Variants in RPS6KA5 observed in about 807,000 individuals in gnomAD.
RPS6KA5 encodes the protein ribosomal protein S6 kinase A5.
A neutral mutation model predicts 85.5 loss-of-function variants in RPS6KA5; 27 were observed. The observed-to-expected ratio is 0.32, with a 90% confidence interval of 0.23 to 0.44. RPS6KA5 has a LOEUF of 0.44. Ranked by LOEUF, RPS6KA5 falls within the 20% of genes least tolerant of loss-of-function variation. RPS6KA5 has a pLI of 1.00. For missense variants in RPS6KA5, 811 were observed against 980.9 expected (o/e 0.83, Z 2.31); for synonymous variants, 334 against 348.2 (o/e 0.96, Z 0.46).
intron 3 of RPS6KA5, among the ~76,000 whole-genome samples, chr14:90,974,688 G>C (rs2039482518): frequency 6.6e-6 from 1 of 152,174 alleles, no homozygotes; most frequent in Admixed American, 6.6e-5. Context: ...AAAAGAGGTG[G>C]CCCAGCTAAC....
At chr14:91,015,308 C>A (rs915839207) in intron 1 of RPS6KA5, among the ~76,000 whole-genome samples, 3 of 152,052 alleles carry the variant, frequency 2.0e-5, no homozygotes, top group African/African-American at 7.2e-5. Context: ...TTAAGGTATA[C>A]CTTCATTTAC....
intron 5 of RPS6KA5, among the ~76,000 whole-genome samples, chr14:90,941,595 C>T (rs1224279003): frequency 6.6e-6 from 1 of 152,200 alleles, no homozygotes; most frequent in South Asian, 2.1e-4. Flanking sequence ...TGAACAGGGG[C>T]AGAGATAGGA....
rs2032585770 is a variant in RPS6KA5 at position 90,862,131 on chromosome 14, C to CA, written c.*9942dup. 6.6e-6 allele frequency: 1 copy of CA among 151,944 alleles called. No homozygotes were observed. The highest frequency in any genetic ancestry group is 1.5e-5 in the Non-Finnish European group (1 of 67,986). The allele number at this position is 151,944 out of a possible 1,614,324, so 9.4% of individuals were successfully genotyped here. ...ATACAGGAACCAAGAGGATATAGGA[C>CA]AAAAATGTAAAAGAAATTGTAAGAT... On this transcript the variant is annotated 3_prime_UTR_variant, in exon 17 of 17. Transcript: ENST00000614987.
At chr14:91,052,542 T>C (rs1003083536) in intron 1 of RPS6KA5, 5 of 198,554 alleles carry the variant, frequency 2.5e-5, no homozygotes, top group South Asian at 6.3e-5. Context: ...ATAAGATCTT[T>C]AGGCAAGCGC....
chr14:91,018,498 A>G (rs2041601217), intron 1 of RPS6KA5, among the ~76,000 whole-genome samples: 1 of 152,248 alleles, frequency 6.6e-6, no homozygotes, highest in Non-Finnish European at 1.5e-5. Context: ...ATCGGCTGCC[A>G]GCATGGCTAG....
chr14:90,960,164 A>T (rs1049836831), intron 3 of RPS6KA5, among the ~76,000 whole-genome samples: 2 of 152,008 alleles, frequency 1.3e-5, no homozygotes. Flanking sequence ...GGAGCAAGGG[A>T]TTTTCATTTC....
At chr14:90,954,427 T>A (rs2038393691) in intron 3 of RPS6KA5, among the ~76,000 whole-genome samples, 1 of 152,214 alleles carries the variant, frequency 6.6e-6, no homozygotes, top group African/African-American at 2.4e-5. Context: ...CATTTTGTTT[T>A]GTTTGAGAGA....
intron 9 of RPS6KA5, among the ~76,000 whole-genome samples, chr14:90,902,407 C>G (rs2035220650): frequency 6.6e-6 from 1 of 151,636 alleles, no homozygotes; most frequent in African/African-American, 2.4e-5. Context: ...ATCACTTGAG[C>G]CCAGGAGTCT....
chr14:90,966,781 T>C (rs1324160581), intron 3 of RPS6KA5, among the ~76,000 whole-genome samples: 1 of 152,168 alleles, frequency 6.6e-6, no homozygotes, highest in Non-Finnish European at 1.5e-5. Flanking sequence ...AGTAACTAAC[T>C]GCCGTAGCCA....
intron 14 of RPS6KA5, among the ~76,000 whole-genome samples, chr14:90,880,131 A>G (rs1404250113): frequency 6.6e-6 from 1 of 152,186 alleles, no homozygotes; most frequent in Non-Finnish European, 1.5e-5. Context: ...GTTAAAATAC[A>G]TTTAACAAAA....
intron 4 of RPS6KA5, among the ~76,000 whole-genome samples, chr14:90,943,760 T>G (rs2037719469): frequency 6.6e-6 from 1 of 152,234 alleles, no homozygotes. Context: ...AATAGGAAAT[T>G]TATAAAGAAT....
intron 5 of RPS6KA5, among the ~76,000 whole-genome samples, chr14:90,940,115 T>C (rs761085980): frequency 1.5e-4 from 23 of 152,232 alleles, no homozygotes; most frequent in Admixed American, 7.8e-4. Context: ...GAGTTAAACC[T>C]GAAGCCAAGC....
intron 15 of RPS6KA5, 136 bp from the exon 16 acceptor site, chr14:90,873,931 A>G (rs2033287846): frequency 1.6e-6 from 1 of 634,228 alleles, no homozygotes; most frequent in South Asian, 3.0e-5. Flanking sequence ...AAAGATAATT[A>G]GATTTTCCTA....
At chr14:90,875,822 T>A (rs562829536) in intron 14 of RPS6KA5, among the ~76,000 whole-genome samples, 79 of 146,784 alleles carry the variant, frequency 5.4e-4, no homozygotes, top group Non-Finnish European at 1.6e-4. Flanking sequence ...AAACACCACA[T>A]GTTCTCACTC....
chr14:90,942,761 T>G (rs182527634), intron 5 of RPS6KA5, among the ~76,000 whole-genome samples: 1 of 152,366 alleles, frequency 6.6e-6, no homozygotes, highest in African/African-American at 2.4e-5. Context: ...AAAGCCATAA[T>G]TCTCCTGAAG....
rs1336473056 is a variant in RPS6KA5 at position 90,851,793 on chromosome 14, T to A, written c.*20281A>T. On this transcript the variant is annotated 3_prime_UTR_variant, in exon 17 of 17. Coordinates refer to ENST00000614987, the MANE Select transcript of RPS6KA5 (RefSeq NM_004755.4). ...TCATTAGTAAAAACTGAATGGTTTT[T>A]ACTAATAAAGCTGGGCACAGGCCAA... The A allele has an allele frequency of 6.6e-6, 1 of 152,194 alleles. No individual in the cohort carries two copies. The highest frequency in any genetic ancestry group is 2.4e-5 in the African/African-American group (1 of 41,438). 9.4% of individuals were successfully genotyped at this position (152,194 alleles called of 1,614,324 possible).
intron 1 of RPS6KA5, among the ~76,000 whole-genome samples, chr14:91,015,574 A>G (rs2041453909): frequency 6.6e-6 from 1 of 152,202 alleles, no homozygotes; most frequent in African/African-American, 2.4e-5. Context: ...CCTAAGTCAT[A>G]ACCTCATTTT....
At chr14:90,909,174 C>T (rs1464302839) in intron 7 of RPS6KA5, among the ~76,000 whole-genome samples, 1 of 152,164 alleles carries the variant, frequency 6.6e-6, no homozygotes, top group Non-Finnish European at 1.5e-5. Context: ...TGAGGGTAGA[C>T]GATTCTGTGG....
At chr14:90,985,600 T>C (rs1365249775) in intron 2 of RPS6KA5, among the ~76,000 whole-genome samples, 4 of 152,246 alleles carry the variant, frequency 2.6e-5, no homozygotes. Context: ...CACTTTGGGT[T>C]CATAACAAAC....
Sources: gnomAD v4.1 joint callset for allele counts (sites outside exome capture counted in the v4.1 genomes callset) on GRCh38, gnomAD v4.1.1 for gene constraint, MANE v1.5 for transcripts, NCBI Gene and HGNC (gene_info 2026-07-23, HGNC 2026-07-21) for gene names.